ZNF441: variants seen among roughly 807,000 people sequenced by gnomAD.
ZNF441 encodes the protein zinc finger protein 441.
ZNF441 carries 25 observed loss-of-function variants against 64.5 expected under a neutral mutation model. The ratio of observed to expected loss-of-function variants is 0.39; its 90% CI spans 0.28 to 0.54. The LOEUF (loss-of-function observed/expected upper bound fraction) is 0.54. Ranked by LOEUF, ZNF441 falls within the 20% of genes least tolerant of loss-of-function variation. The pLI is 0.70. For missense variants in ZNF441, 715 were observed against 843.3 expected (o/e 0.85, Z 1.88); for synonymous variants, 262 against 268.0 (o/e 0.98, Z 0.22).
rs1188220190 is a variant in ZNF441 at position 11,767,729 on chromosome 19, C to T, written c.3+533C>T. 6.6e-6 allele frequency among the ~76,000 whole-genome samples: 1 copy of T among 152,148 alleles called. No homozygotes were observed. Among genetic ancestry groups the T allele is most frequent in the African/African-American group, 2.4e-5 (1 of 41,430 alleles). On this transcript the variant is annotated intron_variant, in intron 1 of 3. Transcript: ENST00000357901. This position sits in a 1 kb window ranked among gnomAD's most constrained non-coding sequence, Gnocchi z 5.1. ...GTGGGTTCCCTTGTGGGGTCTTCAG[C>T]CTGGTTGGCGCCAGCCTTTCCGCTG...
At chr19:11,769,626 GAATTCAGTTTC>G (rs1421444829) in intron 1 of ZNF441, among the ~76,000 whole-genome samples, 1 of 151,858 alleles carries the variant, frequency 6.6e-6, no homozygotes, top group Non-Finnish European at 1.5e-5. Context: ...TAAAGGCTGA[GAATTCAGTTTC>G]AAGCAGCAGG....
At position 11,780,542 on chromosome 19, in the gene ZNF441, C is replaced by A. The variant is rs1975392906; in HGVS notation, c.718C>A (p.Leu240Ile). 6.2e-7 allele frequency: 1 copy of A among 1,613,982 alleles called. No homozygotes were observed. The highest frequency in any genetic ancestry group is 1.1e-5 in the South Asian group (1 of 91,084). Residue 240 changes from leucine to isoleucine, a missense_variant, in exon 4 of 4, where the codon CTA becomes ATA. Leu to Ile is a conservative substitution (Grantham distance 5). Coordinates refer to ENST00000357901, the MANE Select transcript of ZNF441 (RefSeq NM_152355.3). ...STAFPAYSST[L>I]RHERTHSGEK... is the part of the protein sequence containing the mutation. ...AGCGTTTCCTGCTTATAGTTCCACTCTAAGACATGAAAGAACACACAGTGG... is the reference window on the plus strand; with the variant it reads ...AGCGTTTCCTGCTTATAGTTCCACTATAAGACATGAAAGAACACACAGTGG...
Position 11,781,440 on chromosome 19 carries a change from G to C in ZNF441, c.1616G>C (p.Gly539Ala), listed in dbSNP as rs146452126. ...TATAAGTGTAAACTATGTGGGAAAG[G>C]CTTCAGGTCTTCCAGTTACATTCAA... is the stretch of plus-strand genomic sequence containing the variant. ...RPYKCKLCGKGFRSSSYIQLH... is the reference protein window; with the variant it reads ...RPYKCKLCGKAFRSSSYIQLH... The change falls in exon 4 of 4, where the codon GGC becomes GCC. Residue 539 changes from glycine (G) to alanine (A), a missense_variant. Gly to Ala is a moderately conservative substitution (Grantham distance 60). This residue lies in a region of ZNF441 where 316 missense variants were observed against 429.3 expected (regional missense o/e 0.74). Transcript: ENST00000357901. 16,270 of 1,612,988 alleles carry C rather than the reference G, an allele frequency of 0.01. 111 individuals carry two copies. Among genetic ancestry groups the C allele is most frequent in the Non-Finnish European group, 0.012 (14,519 of 1,179,670 alleles).
At chr19:11,775,085 A>G (rs907188379) in intron 1 of ZNF441, among the ~76,000 whole-genome samples, 6 of 152,224 alleles carry the variant, frequency 3.9e-5, no homozygotes, top group Non-Finnish European at 5.9e-5. Flanking sequence ...TAAAAAAGAC[A>G]TGCCAAACAA....
At chr19:11,768,914 T>C (rs408028) in intron 1 of ZNF441, among the ~76,000 whole-genome samples, 55,529 of 152,036 alleles carry the variant, frequency 0.37, 10,438 homozygotes, top group Middle Eastern at 0.41. Context: ...GAAAACCAAC[T>C]CCACTGAGGT....
Position 11,782,138 on chromosome 19 carries a change from G to A in ZNF441, c.*232G>A. 2.6e-6 allele frequency: 1 copy of A among 387,576 alleles called. No homozygotes were observed. Among genetic ancestry groups the A allele is most frequent in the Non-Finnish European group, 4.6e-6 (1 of 217,042 alleles). 24.0% of individuals were successfully genotyped at this position (387,576 alleles called of 1,614,324 possible). On this transcript the variant is annotated 3_prime_UTR_variant, in exon 4 of 4. Transcript: ENST00000357901. ...TTTCTTTGTCTAGCAAACTTTCAAA[G>A]GTGGTTATTATAACATACTAGCAAT...
intron 1 of ZNF441, among the ~76,000 whole-genome samples, chr19:11,768,450 A>G (rs1418345755): frequency 6.6e-6 from 1 of 152,196 alleles, no homozygotes. Context: ...TCATCCCTAG[A>G]CAGAGACACC....
chr19:11,780,398 G>A lies in ZNF441; in HGVS notation c.574G>A (p.Gly192Arg). The A allele has an allele frequency of 2.5e-6, 4 of 1,614,202 alleles. No homozygotes were observed. Among genetic ancestry groups the A allele is most frequent in the Non-Finnish European group, 3.4e-6 (4 of 1,180,040 alleles). Residue 192 changes from glycine (G) to arginine (R), a missense_variant, in exon 4 of 4, where the codon GGA (glycine) becomes AGA (arginine). Around this residue, in one of 2 missense-constraint regions of ZNF441, gnomAD observed 399 missense variants for 413.9 expected, o/e 0.96. Transcript: ENST00000357901. Reference sequence around the variant, plus strand: ...TCAAAGACACATGGCAGCACACCATGGAGATGGACCTCGTATATGTAAGTT... The same window carrying A: ...TCAAAGACACATGGCAGCACACCATAGAGATGGACCTCGTATATGTAAGTT... The part of the protein sequence containing the change: ...NLQRHMAAHH[G>R]DGPRICKLCG...
At chr19:11,772,138 C>G (rs1008330195) in intron 1 of ZNF441, among the ~76,000 whole-genome samples, 2 of 152,216 alleles carry the variant, frequency 1.3e-5, no homozygotes, top group Admixed American at 6.5e-5. Flanking sequence ...GGGCCCCCGT[C>G]CAGTGGACAT....
At position 11,781,156 on chromosome 19, in the gene ZNF441, G is replaced by A. The variant is rs1171542707; in HGVS notation, c.1332G>A (p.Glu444=). Residue 444 remains glutamate (E), a synonymous_variant, in exon 4 of 4, where the codon GAG becomes GAA. Transcript: ENST00000357901. ...LQIHERIHTG[E]RPYKCKQCGK... The stretch of plus-strand genomic sequence containing the variant: ...TACATGAAAGAATTCACACTGGGGA[G>A]AGACCCTATAAATGTAAACAATGCG... 1 of 1,613,898 alleles carries A rather than the reference G, an allele frequency of 6.2e-7. No homozygotes were observed. The highest frequency in any genetic ancestry group is 8.5e-7 in the Non-Finnish European group (1 of 1,180,016).
intron 1 of ZNF441, among the ~76,000 whole-genome samples, chr19:11,775,025 T>A (rs1975343426): frequency 6.6e-6 from 1 of 152,216 alleles, no homozygotes; most frequent in South Asian, 2.1e-4. Context: ...TCCCTTAGCT[T>A]GTGTTCATCC....
At chr19:11,775,565 G>A (rs764024867) in intron 1 of ZNF441, among the ~76,000 whole-genome samples, 7 of 150,298 alleles carry the variant, frequency 4.7e-5, no homozygotes, top group Non-Finnish European at 1.0e-4. Flanking sequence ...TCCTGACCTC[G>A]TGATCCGCCC....
Position 11,767,488 on chromosome 19 carries a change from G to T in ZNF441, c.3+292G>T, listed in dbSNP as rs1239208791. On this transcript the variant is annotated intron_variant, in intron 1 of 3. Transcript: ENST00000357901. This position sits in a 1 kb window ranked among gnomAD's most constrained non-coding sequence, Gnocchi z 5.1. The stretch of plus-strand genomic sequence containing the variant: ...GCGGCTGTAACCGGCACAGGTTCGC[G>T]GCCCGAGTCACTGCACCGAGACGCC... Among the ~76,000 whole-genome samples the T allele has an allele frequency of 9.9e-5, 15 of 152,234 alleles. No individual in the cohort carries two copies. The highest frequency in any genetic ancestry group is 2.2e-4 in the Non-Finnish European group (15 of 68,034).
At chr19:11,777,859 G>A (rs1004845911) in intron 2 of ZNF441, 122 bp downstream of exon 2, 7 of 1,127,958 alleles carry the variant, frequency 6.2e-6, no homozygotes, top group Non-Finnish European at 8.7e-6. Flanking sequence ...AGCCACCCAA[G>A]CAGTCATACA....
At position 11,777,649 on chromosome 19, in the gene ZNF441, C is replaced by A. The variant is rs752187434; in HGVS notation, c.42C>A (p.Thr14=). Residue 14 remains threonine, a synonymous_variant, in exon 2 of 4, where the codon ACC becomes ACA. Coordinates refer to ENST00000357901, the MANE Select transcript of ZNF441 (RefSeq NM_152355.3). ...VAFEDVAINF[T]CEEWALLGPS... Reference sequence around the variant, plus strand: ...TTGAGGATGTGGCTATAAACTTCACCTGTGAGGAGTGGGCTTTGCTGGGTC... The same window carrying A: ...TTGAGGATGTGGCTATAAACTTCACATGTGAGGAGTGGGCTTTGCTGGGTC... The A allele has an allele frequency of 1.2e-6, 2 of 1,613,468 alleles. No individual in the cohort carries two copies.
intron 1 of ZNF441, among the ~76,000 whole-genome samples, chr19:11,771,220 T>C (rs1163829004): frequency 6.6e-6 from 1 of 152,106 alleles, no homozygotes; most frequent in Non-Finnish European, 1.5e-5. Context: ...CTTGTGTACA[T>C]TAAAGGACCT....
In ZNF441 at chr19:11,767,255, C is replaced by A; in HGVS notation, c.3+59C>A. On this transcript the variant is annotated intron_variant, in intron 1 of 3. Transcript: ENST00000357901. The surrounding 1 kb of genome is among the most constrained non-coding windows in gnomAD (Gnocchi z 5.1). ...AGAGGAGAGACTGGTTGGAACCGGC[C>A]GGAACCGGCTGTGGTGGCACCAGGT... 1 of 1,552,148 alleles carries A rather than the reference C, an allele frequency of 6.4e-7. No homozygotes were observed. The highest frequency in any genetic ancestry group is 1.2e-5 in the South Asian group (1 of 84,158).
chr19:11,768,801 GGT>G (rs1333614498), intron 1 of ZNF441, among the ~76,000 whole-genome samples: 6 of 152,062 alleles, frequency 3.9e-5, no homozygotes, highest in African/African-American at 1.5e-4. Context: ...ATATATGGCT[GGT>G]CAGCCAATTG....
chr19:11,771,933 C>T (rs544995884), intron 1 of ZNF441, among the ~76,000 whole-genome samples: 14 of 152,332 alleles, frequency 9.2e-5, no homozygotes, highest in African/African-American at 3.4e-4. Flanking sequence ...GTAACCATCT[C>T]CCTGTCATGC....
Sources: allele counts gnomAD v4.1 joint callset (sites outside exome capture counted in the v4.1 genomes callset), GRCh38; gene constraint gnomAD v4.1.1; regional missense constraint gnomAD v4.1.1; non-coding constraint Gnocchi (gnomAD v3.1); transcripts MANE v1.5; gene names NCBI Gene and HGNC (gene_info 2026-07-23, HGNC 2026-07-21).